The following SLC29A3 variants were observed in gnomAD, a reference collection of about 807,000 sequenced individuals.
SLC29A3 encodes the protein solute carrier family 29 member 3, also known as equilibrative nucleoside transporter 3.
In SLC29A3, 18 loss-of-function variants were observed where a neutral mutation model predicts 25.4. The ratio of observed to expected loss-of-function variants is 0.71; its 90% confidence interval spans 0.49 to 1.05. SLC29A3 has a LOEUF of 1.05. Ranked by LOEUF, SLC29A3 falls within the 50% of genes least tolerant of loss-of-function variation. The pLI, the probability that SLC29A3 is intolerant of heterozygous loss-of-function variation, is 0.00. For synonymous variants in SLC29A3, 258 were observed against 267.1 expected (o/e 0.97, Z 0.33); for missense variants, 586 against 609.0 (o/e 0.96, Z 0.40).
At chr10:71,358,786 G>T (rs141413066) in intron 5 of SLC29A3, among the ~76,000 whole-genome samples, 206 of 152,330 alleles carry the variant, frequency 1.4e-3, no homozygotes, top group Non-Finnish European at 2.4e-3. Flanking sequence ...ACAATTTCAG[G>T]CAAACCAGGA....
Position 71,377,540 on chromosome 10 carries a change from C to T in SLC29A3, c.*211+1729C>T, listed in dbSNP as rs952621313. 2.0e-5 allele frequency among the ~76,000 whole-genome samples: 3 copies of T among 152,294 alleles called. No homozygotes were observed. The East Asian group carries it at 5.8e-4, about 29-fold the overall frequency. ...AGCCGGGCCGCACAGCCAATGCCCG[C>T]GCGGGGGCCGTCGGTAGTTACCCGG... On this transcript the variant is annotated intron_variant and NMD_transcript_variant, in intron 4 of 4. Transcript: ENST00000642772.
At chr10:71,373,600 A>G (rs1847227863) in intron 3 of SLC29A3, among the ~76,000 whole-genome samples, 1 of 152,162 alleles carries the variant, frequency 6.6e-6, no homozygotes, top group African/African-American at 2.4e-5. Context: ...GAACTGCAAA[A>G]AGCGTATCAG....
chr10:71,370,589 C>T (rs1847203907), intron 3 of SLC29A3, among the ~76,000 whole-genome samples: 1 of 152,188 alleles, frequency 6.6e-6, no homozygotes, highest in African/African-American at 2.4e-5. Context: ...AGTGGCTGTT[C>T]GGAAGTGCAA....
chr10:71,368,267 T>C (rs113593841), downstream of SLC29A3, among the ~76,000 whole-genome samples: 755 of 152,286 alleles, frequency 5.0e-3, 12 homozygotes, highest in African/African-American at 0.017. Flanking sequence ...GAGAAGCCTC[T>C]CAGGGCTGTA....
At chr10:71,339,239 A>G (rs1846332340) in intron 2 of SLC29A3, among the ~76,000 whole-genome samples, 1 of 152,120 alleles carries the variant, frequency 6.6e-6, no homozygotes, top group Admixed American at 6.5e-5. Flanking sequence ...GCCCTCTGGA[A>G]GCTGTGCTGC....
intron 1 of SLC29A3, chr10:71,319,572 G>A (rs758082072): frequency 1.8e-4 from 71 of 393,300 alleles, no homozygotes; most frequent in Non-Finnish European, 2.8e-4. Flanking sequence ...CGCCTGTATG[G>A]TGGGGGCCTG....
intron 2 of SLC29A3, among the ~76,000 whole-genome samples, chr10:71,327,973 C>T (rs1043169640): frequency 6.6e-6 from 1 of 152,108 alleles, no homozygotes; most frequent in Non-Finnish European, 1.5e-5. Context: ...ATTGGCTGCC[C>T]TTGGCCAAGA....
intron 3 of SLC29A3, among the ~76,000 whole-genome samples, chr10:71,350,564 C>T (rs1024684453): frequency 1.3e-5 from 2 of 152,198 alleles, no homozygotes; most frequent in Non-Finnish European, 2.9e-5. Flanking sequence ...TAGAATCCTT[C>T]CCTGCTTTTC....
At chr10:71,341,658 A>G (rs149456894) in intron 2 of SLC29A3, among the ~76,000 whole-genome samples, 47 of 152,368 alleles carry the variant, frequency 3.1e-4, no homozygotes, top group African/African-American at 1.0e-3. Flanking sequence ...GCAAAATACT[A>G]CAAATGAGTG....
At chr10:71,360,678 C>G (rs996467763) in intron 5 of SLC29A3, among the ~76,000 whole-genome samples, 1 of 152,210 alleles carries the variant, frequency 6.6e-6, no homozygotes, top group Non-Finnish European at 1.5e-5. Flanking sequence ...GTAATTTCCT[C>G]TTCTAGAAAT....
At position 71,372,412 on chromosome 10, in the gene SLC29A3, G is replaced by A. The variant is rs79337011; in HGVS notation, c.*95-3283G>A. On this transcript the variant is annotated intron_variant and NMD_transcript_variant, in intron 3 of 4. Transcript: ENST00000642772. ...ACTCAAGTGCCTGATGGTCACAATA[G>A]CAGCAGTCCTCATTAGAATCACCTG... Among the ~76,000 whole-genome samples the A allele has an allele frequency of 4.9e-3, 751 of 152,326 alleles. 8 individuals are homozygous for A. The highest frequency in any genetic ancestry group is 6.3e-3 in the Non-Finnish European group (426 of 68,032).
downstream of SLC29A3, chr10:71,366,165 A>C (rs1847169096): frequency 6.6e-6 from 1 of 152,038 alleles, no homozygotes; most frequent in Non-Finnish European, 1.5e-5. Context: ...ATTTTTAAAA[A>C]ATTTTTTATA....
intron 3 of SLC29A3, among the ~76,000 whole-genome samples, chr10:71,372,230 A>C (rs571667040): frequency 2.6e-5 from 4 of 152,380 alleles, no homozygotes; most frequent in East Asian, 1.9e-4. Flanking sequence ...CTTATTGAGC[A>C]CTATGAACCG....
At chr10:71,355,069 G>A (rs1846865999) in intron 4 of SLC29A3, among the ~76,000 whole-genome samples, 1 of 152,214 alleles carries the variant, frequency 6.6e-6, no homozygotes, top group Non-Finnish European at 1.5e-5. Flanking sequence ...TCGTGGCGAG[G>A]CAGGGCATAG....
At chr10:71,330,668 C>A (rs1846096959) in intron 2 of SLC29A3, among the ~76,000 whole-genome samples, 1 of 152,214 alleles carries the variant, frequency 6.6e-6, no homozygotes, top group Non-Finnish European at 1.5e-5. Context: ...GTGGAAAGTC[C>A]TGACAGTTAT....
intron 2 of SLC29A3, among the ~76,000 whole-genome samples, chr10:71,336,389 A>G (rs1452276397): frequency 6.6e-6 from 1 of 151,986 alleles, no homozygotes; most frequent in Non-Finnish European, 1.5e-5. Flanking sequence ...ATTGTGAGGA[A>G]CAAGACCAGG....
intron 2 of SLC29A3, among the ~76,000 whole-genome samples, chr10:71,330,238 G>A (rs1328719073): frequency 1.3e-5 from 2 of 152,190 alleles, no homozygotes; most frequent in Non-Finnish European, 2.9e-5. Context: ...CAATTTCCCA[G>A]GCTCCTGGAA....
At chr10:71,370,085 T>C (rs1358270382) in intron 3 of SLC29A3, among the ~76,000 whole-genome samples, 1 of 152,118 alleles carries the variant, frequency 6.6e-6, no homozygotes, top group African/African-American at 2.4e-5. Flanking sequence ...GGGTCACTGG[T>C]CATCAATACC....
intron 3 of SLC29A3, 42 bp from the exon 4 acceptor site, chr10:71,351,520 C>T: frequency 1.3e-6 from 2 of 1,588,652 alleles, no homozygotes; most frequent in Non-Finnish European, 1.7e-6. Flanking sequence ...CACACAGGAG[C>T]CCCGAAGGGG....
Sources: gnomAD v4.1 joint callset for allele counts (sites outside exome capture counted in the v4.1 genomes callset) on GRCh38, gnomAD v4.1.1 for gene constraint, MANE v1.5 for transcripts, NCBI Gene and HGNC (gene_info 2026-07-23, HGNC 2026-07-21) for gene names.